Variants in PPP2R2B observed in about 807,000 individuals in gnomAD.
PPP2R2B encodes the protein protein phosphatase 2 regulatory subunit Bbeta.
PPP2R2B carries 5 observed loss-of-function variants against 46.0 expected under a neutral mutation model. That is an observed-to-expected ratio of 0.11 (90% confidence interval 0.06 to 0.23). PPP2R2B has a LOEUF of 0.23. Among genes scored for constraint, PPP2R2B ranks in the 10% least tolerant of loss-of-function variants. PPP2R2B has a pLI of 1.00. For synonymous variants in PPP2R2B, 215 were observed against 206.7 expected (o/e 1.04, Z -0.34); for missense variants, 367 against 575.0 (o/e 0.64, Z 3.70).
chr5:146,773,214 G>A (rs1754979768), intron 2 of PPP2R2B, among the ~76,000 whole-genome samples: 3 of 152,206 alleles, frequency 2.0e-5, no homozygotes, highest in Non-Finnish European at 4.4e-5. Context: ...TTATCCAGCT[G>A]ATGGAGAGCA....
chr5:147,019,963 T>A (rs547922960), intron 1 of PPP2R2B, among the ~76,000 whole-genome samples: 5 of 152,250 alleles, frequency 3.3e-5, no homozygotes, highest in Admixed American at 2.6e-4. Context: ...CCATTCCTTA[T>A]CAACAGAGGA....
At chr5:146,971,501 C>T (rs928461085) in intron 1 of PPP2R2B, among the ~76,000 whole-genome samples, 1 of 152,186 alleles carries the variant, frequency 6.6e-6, no homozygotes, top group African/African-American at 2.4e-5. Context: ...CATTAAGTCC[C>T]TAGTGATGTG....
intron 2 of PPP2R2B, among the ~76,000 whole-genome samples, chr5:146,814,018 G>A (rs73793279): frequency 0.026 from 4,013 of 152,244 alleles, 51 homozygotes; most frequent in Middle Eastern, 0.044. Context: ...AAGAATATCA[G>A]TAAGGCAGTG....
intron 7 of PPP2R2B, among the ~76,000 whole-genome samples, chr5:146,602,767 T>C (rs1209304809): frequency 6.6e-6 from 1 of 152,166 alleles, no homozygotes; most frequent in Non-Finnish European, 1.5e-5. Context: ...AAAAAAATCA[T>C]TGAAACAGAA....
intron 2 of PPP2R2B, among the ~76,000 whole-genome samples, chr5:146,855,624 GCTCTT>G (rs1252791391): frequency 6.6e-6 from 1 of 152,040 alleles, no homozygotes; most frequent in African/African-American, 2.4e-5. Flanking sequence ...ATTAAAGGGA[GCTCTT>G]CTCTTCTGAA....
intron 2 of PPP2R2B, among the ~76,000 whole-genome samples, chr5:146,820,882 G>A (rs1582186976): frequency 6.6e-6 from 1 of 152,190 alleles, no homozygotes; most frequent in South Asian, 2.1e-4. Flanking sequence ...CTAGATAGAA[G>A]CCCTACTAAT....
intron 1 of PPP2R2B, among the ~76,000 whole-genome samples, chr5:147,045,669 C>A (rs555864365): frequency 6.6e-6 from 1 of 152,198 alleles, no homozygotes; most frequent in Non-Finnish European, 1.5e-5. Context: ...TAAATGTACA[C>A]CCCTCGATAA....
chr5:146,883,952 C>T (rs957187955), intron 1 of PPP2R2B, among the ~76,000 whole-genome samples: 8 of 152,028 alleles, frequency 5.3e-5, no homozygotes, highest in South Asian at 2.1e-4. Context: ...TAGGTACTGG[C>T]TATTGAGAGC....
chr5:146,947,068 C>T (rs946827594), intron 1 of PPP2R2B, among the ~76,000 whole-genome samples: 3 of 152,072 alleles, frequency 2.0e-5, no homozygotes, highest in Non-Finnish European at 2.9e-5. Context: ...GAGATCTACA[C>T]AAGGTCAGTA....
chr5:146,645,464 T>C (rs1775520125), intron 6 of PPP2R2B, among the ~76,000 whole-genome samples: 1 of 152,152 alleles, frequency 6.6e-6, no homozygotes, highest in Non-Finnish European at 1.5e-5. Flanking sequence ...ATTAAATATG[T>C]ATTGGGCAGG....
rs1042232855 is a variant in PPP2R2B at position 146,906,535 on chromosome 5, T to G, written c.79+149130A>C. ...CGGGGTTTCTACATATTGGTCAGACTGATCTCGAACTCCCGATCTCAGGTG... is the reference window on the plus strand; with the variant it reads ...CGGGGTTTCTACATATTGGTCAGACGGATCTCGAACTCCCGATCTCAGGTG... On this transcript the variant is annotated intron_variant, in intron 1 of 8. Transcript: ENST00000336640. 3.9e-5 allele frequency among the ~76,000 whole-genome samples: 6 copies of G among 152,326 alleles called. No homozygotes were observed. In the South Asian group the frequency reaches 1.2e-3, roughly 32 times the overall value.
In PPP2R2B at chr5:146,885,981, A is replaced by G. The variant is rs536568571; in HGVS notation, c.79+169684T>C. ...GCCAGGGACTGAGGATAAAAAAAAA[A>G]GGGGTGGGAATGACTGCTAAAGGGT... On this transcript the variant is annotated intron_variant, in intron 1 of 8. Coordinates refer to the PPP2R2B transcript ENST00000336640. Among the ~76,000 whole-genome samples, 25 of 151,866 alleles carry G rather than the reference A, an allele frequency of 1.6e-4. 1 individual carries two copies. In the South Asian group the frequency reaches 2.1e-3, roughly 13 times the overall value.
chr5:146,663,221 G>A (rs1302965673), intron 5 of PPP2R2B, among the ~76,000 whole-genome samples: 1 of 152,098 alleles, frequency 6.6e-6, no homozygotes, highest in African/African-American at 2.4e-5. Context: ...AGCTGAGACA[G>A]GTACTCAGTA....
upstream of PPP2R2B, among the ~76,000 whole-genome samples, chr5:147,059,010 T>C (rs1228824997): frequency 6.6e-6 from 1 of 152,174 alleles, no homozygotes; most frequent in Non-Finnish European, 1.5e-5. Flanking sequence ...GATGTTTAAT[T>C]TCATGCTCTG....
chr5:146,844,428 C>G (rs1759863860), intron 2 of PPP2R2B, among the ~76,000 whole-genome samples: 1 of 152,006 alleles, frequency 6.6e-6, no homozygotes, highest in Non-Finnish European at 1.5e-5. Context: ...GCTGTCTTCT[C>G]TCCTAGCTTC....
At chr5:146,677,709 G>A (rs1777834124) in intron 5 of PPP2R2B, among the ~76,000 whole-genome samples, 1 of 151,924 alleles carries the variant, frequency 6.6e-6, no homozygotes, top group Admixed American at 6.6e-5. Flanking sequence ...TGTATTTTTT[G>A]TAGAGCTAGG....
chr5:146,753,259 C>T (rs1028916687), intron 2 of PPP2R2B, among the ~76,000 whole-genome samples: 1 of 152,184 alleles, frequency 6.6e-6, no homozygotes, highest in Non-Finnish European at 1.5e-5. Context: ...ATGCTTAGCA[C>T]AGTGTCTGGT....
At chr5:146,638,509 A>G in intron 6 of PPP2R2B, 94 bp from the exon 7 acceptor site, 2 of 1,170,244 alleles carry the variant, frequency 1.7e-6, no homozygotes, top group Non-Finnish European at 2.4e-6. Flanking sequence ...TATTAGTAAA[A>G]TATGTCAACA....
At chr5:147,063,920 C>A (rs10054824) in intron 2 of PPP2R2B, among the ~76,000 whole-genome samples, 16,309 of 152,176 alleles carry the variant, frequency 0.11, 993 homozygotes, top group East Asian at 0.2. Context: ...CAAGAAAACA[C>A]TTTTAACTCA....
Sources: allele counts gnomAD v4.1 joint callset (sites outside exome capture counted in the v4.1 genomes callset), GRCh38; gene constraint gnomAD v4.1.1; transcripts MANE v1.5; gene names NCBI Gene and HGNC (gene_info 2026-07-23, HGNC 2026-07-21).